The following OR51G2 variants were observed in gnomAD, a reference collection of about 807,000 sequenced individuals.
OR51G2 encodes olfactory receptor family 51 subfamily G member 2.
In OR51G2, 13 loss-of-function variants were observed where a neutral mutation model predicts 11.8. The observed-to-expected ratio is 1.10, with a 90% confidence interval of 0.72 to 1.76. The LOEUF is 1.76. Ranked by LOEUF, OR51G2 falls within the 40% of genes most tolerant of loss-of-function variation. The probability of loss-of-function intolerance (pLI) is 0.00; values close to 1 mark genes in which losing one functional copy is unlikely to be tolerated. For missense variants in OR51G2, 474 were observed against 394.4 expected, an observed-to-expected ratio of 1.20 and a Z score of -1.71; for synonymous variants, 178 against 151.9, an observed-to-expected ratio of 1.17 and a Z score of -1.26.
intron 1 of OR51G2, among the ~76,000 whole-genome samples, chr11:4,916,169 G>A (rs540655032): frequency 2.6e-5 from 4 of 151,968 alleles, no homozygotes; most frequent in African/African-American, 4.8e-5. Flanking sequence ...AAAAAAAATG[G>A]TGTGGGAGGA....
chr11:4,918,688 AG>A lies in OR51G2; in HGVS notation c.-77+488del, dbSNP rs1363019078. Among the ~76,000 whole-genome samples the A allele has an allele frequency of 2.0e-5, 3 of 152,296 alleles. No homozygotes were observed. In the East Asian group the frequency reaches 5.8e-4, roughly 29 times the overall value. On this transcript the variant is annotated intron_variant, in intron 1 of 1. Coordinates refer to ENST00000641926, the MANE Select transcript of OR51G2 (RefSeq NM_001005238.2). ...TGTCCAGGATACAGTGGGTTCAGCA[AG>A]ATAGACTTAATCCATGGCGTTTCTG...
In OR51G2 at chr11:4,916,353, C is replaced by T. The variant is rs114636891; in HGVS notation, c.-76-614G>A. ...AAGTGAGAGTTTCCTCATTATTCCT[C>T]TTGGCCCTATTTAACTTTGCCTGCC... On this transcript the variant is annotated intron_variant, in intron 1 of 1. Transcript: ENST00000641926. Among the ~76,000 whole-genome samples the T allele has an allele frequency of 5.8e-3, 885 of 151,816 alleles. 7 individuals are homozygous for T. The highest frequency in any genetic ancestry group is 0.021 in the African/African-American group (853 of 41,368).
chr11:4,917,165 A>G lies in OR51G2; in HGVS notation c.-76-1426T>C, dbSNP rs185863410. ...ATGCCAAGAATGTTTTTTTGCATGA[A>G]TAAGTTATTTTTTATTTCGCTAACT... On this transcript the variant is annotated intron_variant, in intron 1 of 1. Coordinates refer to ENST00000641926, the MANE Select transcript of OR51G2 (RefSeq NM_001005238.2). Among the ~76,000 whole-genome samples, 9 of 152,260 alleles carry G rather than the reference A, an allele frequency of 5.9e-5. No homozygotes were observed. In the East Asian group the frequency reaches 1.5e-3, roughly 26 times the overall value.
At position 4,915,719 on chromosome 11, in the gene OR51G2, A is replaced by G; in HGVS notation, c.-56T>C. The G allele has an allele frequency of 1.6e-6, 2 of 1,237,548 alleles. No individual in the cohort carries two copies. Among genetic ancestry groups the G allele is most frequent in the Non-Finnish European group, 2.3e-6 (2 of 866,922 alleles). 76.7% of individuals were successfully genotyped at this position (1,237,548 alleles called of 1,614,324 possible). A position where few individuals can be genotyped will look rare whatever the true frequency, so the allele number is the denominator to read the frequency against. On this transcript the variant is annotated 5_prime_UTR_variant, in exon 2 of 2. Coordinates refer to ENST00000641926, the MANE Select transcript of OR51G2 (RefSeq NM_001005238.2). Reference sequence around the variant, plus strand: ...CCCTCCAAAATCCTGAAGTAAATTGAGGCAGTACTGGTGATTGCACCTGGT... The same window carrying G: ...CCCTCCAAAATCCTGAAGTAAATTGGGGCAGTACTGGTGATTGCACCTGGT...
rs1851078658 is a variant in OR51G2 at position 4,915,756 on chromosome 11, A to G, written c.-76-17T>C. On this transcript the variant is annotated splice_polypyrimidine_tract_variant and intron_variant, in intron 1 of 1. Coordinates refer to ENST00000641926, the MANE Select transcript of OR51G2 (RefSeq NM_001005238.2). ...TGATTGCACCTGGTGGAAATTAAAG[A>G]AAAAAAATAGAATCAAATATACCTA... The G allele has an allele frequency of 1.8e-5, 14 of 766,702 alleles. No homozygotes were observed. Among genetic ancestry groups the G allele is most frequent in the Non-Finnish European group, 8.3e-6 (4 of 481,506 alleles). 47.5% of individuals were successfully genotyped at this position (766,702 alleles called of 1,614,324 possible). A position where few individuals can be genotyped will look rare whatever the true frequency, so the allele number is the denominator to read the frequency against.
intron 1 of OR51G2, among the ~76,000 whole-genome samples, chr11:4,917,059 T>G (rs1300217899): frequency 6.6e-6 from 1 of 152,218 alleles, no homozygotes; most frequent in Non-Finnish European, 1.5e-5. Flanking sequence ...ATCACTGGAA[T>G]ATGAGCTCAA....
chr11:4,918,704 T>C (rs1851135770), intron 1 of OR51G2, among the ~76,000 whole-genome samples: 2 of 152,204 alleles, frequency 1.3e-5, no homozygotes, highest in African/African-American at 2.4e-5. Context: ...ACTTAATCCA[T>C]GGCGTTTCTG....
At position 4,914,621 on chromosome 11, in the gene OR51G2, A is replaced by T; in HGVS notation, c.*98T>A. 1 of 807,630 alleles carries T rather than the reference A, an allele frequency of 1.2e-6. No individual in the cohort carries two copies. 50.0% of individuals were successfully genotyped at this position (807,630 alleles called of 1,614,324 possible). ...TCATCCCTGTACATGTTTGTTGAGT[A>T]AGTAAATGTCTCCTTTATTTTATGC... On this transcript the variant is annotated 3_prime_UTR_variant, in exon 2 of 2. Coordinates refer to ENST00000641926, the MANE Select transcript of OR51G2 (RefSeq NM_001005238.2).
chr11:4,912,779 T>C lies in OR51G2; in HGVS notation c.*1940A>G, dbSNP rs1382737718. The C allele has an allele frequency of 6.6e-6, 1 of 152,178 alleles. No homozygotes were observed. The highest frequency in any genetic ancestry group is 1.5e-5 in the Non-Finnish European group (1 of 68,024). 9.4% of individuals were successfully genotyped at this position (152,178 alleles called of 1,614,324 possible). ...GTAATTTTCCTTTTCTTTAATTACA[T>C]TGTTTTTTAAAATGTAAAAAACTAT... On this transcript the variant is annotated 3_prime_UTR_variant, in exon 2 of 2. Transcript: ENST00000641926.
At position 4,914,880 on chromosome 11, in the gene OR51G2, C is replaced by G. The variant is rs766570358; in HGVS notation, c.784G>C (p.Gly262Arg). The G allele has an allele frequency of 3.7e-6, 6 of 1,613,972 alleles. No individual in the cohort carries two copies. In the South Asian group the frequency reaches 4.4e-5, roughly 12 times the overall value. Reference sequence around the variant, plus strand: ...CCAAAGCGATGGATGACAGAGAGGCCAATCATGGGAGTGTAGAAGAGCAGC... The same window carrying G: ...CCAAAGCGATGGATGACAGAGAGGCGAATCATGGGAGTGTAGAAGAGCAGC... Reference protein sequence around the residue: ...AVLLFYTPMIGLSVIHRFGKQ... With the variant: ...AVLLFYTPMIRLSVIHRFGKQ... Residue 262 changes from glycine to arginine, a missense_variant, in exon 2 of 2, where the codon GGC becomes CGC. Physicochemically the swap from Gly to Arg is moderately radical, Grantham distance 125. Coordinates refer to ENST00000641926, the MANE Select transcript of OR51G2 (RefSeq NM_001005238.2).
chr11:4,914,975 A>G lies in OR51G2; in HGVS notation c.689T>C (p.Val230Ala). Residue 230 changes from valine to alanine, a missense_variant, in exon 2 of 2, where the codon GTG becomes GCG. Val to Ala is a moderately conservative substitution (Grantham distance 64). Transcript: ENST00000641926. ...CTCAGCCCTGGAGGCGATGGACAGCACGGTGCGCAGGATCAGAGCATAAGA... is the reference window on the plus strand; with the variant it reads ...CTCAGCCCTGGAGGCGATGGACAGCGCGGTGCGCAGGATCAGAGCATAAGA... ...LFSYALILRTVLSIASRAERF... is the reference protein window; with the variant it reads ...LFSYALILRTALSIASRAERF... 5.6e-6 allele frequency: 9 copies of G among 1,614,128 alleles called. No homozygotes were observed. The highest frequency in any genetic ancestry group is 1.3e-5 in the African/African-American group (1 of 75,046).
In OR51G2 at chr11:4,914,886, T is replaced by C. The variant is rs755048253; in HGVS notation, c.778A>G (p.Met260Val). Residue 260 changes from methionine (M) to valine (V), a missense_variant, in exon 2 of 2, where the codon ATG becomes GTG. Transcript: ENST00000641926. ...CGATGGATGACAGAGAGGCCAATCA[T>C]GGGAGTGTAGAAGAGCAGCACAGCA... is the stretch of plus-strand genomic sequence containing the variant. ...ICAVLLFYTP[M>V]IGLSVIHRFG... 3.1e-6 allele frequency: 5 copies of C among 1,613,834 alleles called. No individual in the cohort carries two copies. The highest frequency in any genetic ancestry group is 2.7e-5 in the African/African-American group (2 of 74,854).
chr11:4,916,169 G>T (rs540655032), intron 1 of OR51G2, among the ~76,000 whole-genome samples: 3 of 151,968 alleles, frequency 2.0e-5, no homozygotes, highest in African/African-American at 7.2e-5. Flanking sequence ...AAAAAAAATG[G>T]TGTGGGAGGA....
chr11:4,914,667 T>C lies in OR51G2; in HGVS notation c.*52A>G. The C allele has an allele frequency of 8.2e-7, 1 of 1,226,076 alleles. No individual in the cohort carries two copies. Among genetic ancestry groups the C allele is most frequent in the Non-Finnish European group, 1.2e-6 (1 of 857,378 alleles). The allele number at this position is 1,226,076 out of a possible 1,614,324, so 75.9% of individuals were successfully genotyped here. On this transcript the variant is annotated 3_prime_UTR_variant, in exon 2 of 2. Coordinates refer to ENST00000641926, the MANE Select transcript of OR51G2 (RefSeq NM_001005238.2). Reference sequence around the variant, plus strand: ...TATGCATGTTAGAAATTATAAAGGATAGGCAAACAAGGGCACGTTTCAGGA... The same window carrying C: ...TATGCATGTTAGAAATTATAAAGGACAGGCAAACAAGGGCACGTTTCAGGA...
rs142042736 is a variant in OR51G2 at position 4,915,298 on chromosome 11, A to G, written c.366T>C (p.Ser122=). 6.3e-4 allele frequency: 1,019 copies of G among 1,613,928 alleles called. No homozygotes were observed. The highest frequency in any genetic ancestry group is 8.1e-4 in the Non-Finnish European group (961 of 1,180,008). Residue 122 remains serine, a synonymous_variant, in exon 2 of 2, where the codon TCT becomes TCC. Transcript: ENST00000641926. ...TAGCCACAAAGCGGTCAAAGGCCAT[A>G]GACAGTAGCACAGAGGACTCGAGGA... ...FSFLESSVLL[S]MAFDRFVAIC... is the part of the protein sequence containing the mutation.
At chr11:4,918,056 G>A (rs539357659) in intron 1 of OR51G2, among the ~76,000 whole-genome samples, 32 of 151,962 alleles carry the variant, frequency 2.1e-4, no homozygotes, top group African/African-American at 7.2e-4. Flanking sequence ...TCTGTATTAG[G>A]GACATTCCAA....
intron 1 of OR51G2, among the ~76,000 whole-genome samples, chr11:4,916,261 G>T (rs1293078833): frequency 6.6e-6 from 1 of 151,966 alleles, no homozygotes; most frequent in Non-Finnish European, 1.5e-5. Flanking sequence ...CTGTTGTTGG[G>T]GACTTTTCTC....
At chr11:4,916,496 G>T (rs566033519) in intron 1 of OR51G2, among the ~76,000 whole-genome samples, 1 of 150,370 alleles carries the variant, frequency 6.7e-6, no homozygotes, top group Non-Finnish European at 1.5e-5. Flanking sequence ...TTATCTTACT[G>T]TGCTTTCTTT....
chr11:4,915,224 C>A lies in OR51G2; in HGVS notation c.440G>T (p.Gly147Val), dbSNP rs757898693. The A allele has an allele frequency of 6.2e-6, 10 of 1,613,808 alleles. No individual in the cohort carries two copies. The highest frequency in any genetic ancestry group is 7.6e-6 in the Non-Finnish European group (9 of 1,179,952). ...ACCCAGAGAGACCAGGCCAATCCTGCCAATGACTGTGTTGGTGAGAATGGA... is the reference window on the plus strand; with the variant it reads ...ACCCAGAGAGACCAGGCCAATCCTGACAATGACTGTGTTGGTGAGAATGGA... Reference protein sequence around the residue: ...YVSILTNTVIGRIGLVSLGRS... With the variant: ...YVSILTNTVIVRIGLVSLGRS... The change falls in exon 2 of 2, where the codon GGC (glycine) becomes GTC (valine). Residue 147 changes from glycine (G) to valine (V), a missense_variant. Gly to Val is a moderately radical substitution (Grantham distance 109). Transcript: ENST00000641926.
Sources: gnomAD v4.1 joint callset for allele counts (sites outside exome capture counted in the v4.1 genomes callset) on GRCh38, gnomAD v4.1.1 for gene constraint, MANE v1.5 for transcripts, NCBI Gene and HGNC (gene_info 2026-07-23, HGNC 2026-07-21) for gene names.